Variants in DYRK2 observed in about 807,000 individuals in gnomAD.
DYRK2 encodes dual specificity tyrosine-phosphorylation-regulated kinase 2.
Under a neutral mutation model 41.6 loss-of-function variants are expected in DYRK2, and 12 were observed. The observed-to-expected ratio is 0.29, with a 90% CI of 0.18 to 0.47. The LOEUF (loss-of-function observed/expected upper bound fraction) is 0.47, where lower values mean the gene tolerates loss of function less well. Among genes scored for constraint, DYRK2 ranks in the 20% least tolerant of loss-of-function variants. The probability of loss-of-function intolerance (pLI) is 1.00; values close to 1 mark genes in which losing one functional copy is unlikely to be tolerated. For synonymous variants in DYRK2, 322 were observed against 315.7 expected, an observed-to-expected ratio of 1.02 and a Z score of -0.21; for missense variants, 678 against 798.4, an observed-to-expected ratio of 0.85 and a Z score of 1.82.
At chr12:67,651,801 GACA>G (rs996328152) in intron 2 of DYRK2, 4 of 343,246 alleles carry the variant, frequency 1.2e-5, no homozygotes, top group Admixed American at 4.2e-5. Flanking sequence ...AACAGACTCA[GACA>G]AGGTAACTGG....
At chr12:67,650,064 A>C (rs1592710906) in intron 2 of DYRK2, 119 bp downstream of exon 2, 2 of 1,083,864 alleles carry the variant, frequency 1.8e-6, no homozygotes, top group East Asian at 6.5e-5. Context: ...AAGCAGCCCC[A>C]CGCCTCGGGC....
chr12:67,659,050 CTA>C lies in DYRK2; in HGVS notation c.*339_*340del, dbSNP rs1872560594. The C allele has an allele frequency of 4.8e-6, 1 of 208,662 alleles. No individual in the cohort carries two copies. Among genetic ancestry groups the C allele is most frequent in the Non-Finnish European group, 1.0e-5 (1 of 96,424 alleles). 12.9% of individuals were successfully genotyped at this position (208,662 alleles called of 1,614,324 possible). A position where few individuals can be genotyped will look rare whatever the true frequency, so the allele number is the denominator to read the frequency against. On this transcript the variant is annotated 3_prime_UTR_variant, in exon 3 of 3. Coordinates refer to ENST00000344096, the MANE Select transcript of DYRK2 (RefSeq NM_006482.3). ...TACAGATTGGTGTCAAAGACATTCA[CTA>C]TGTTTTTATGGTTCATGTTATATCC...
intron 2 of DYRK2, chr12:67,652,605 GA>G (rs1344769042): frequency 1.3e-5 from 2 of 152,096 alleles, no homozygotes; most frequent in Non-Finnish European, 2.9e-5. Context: ...GATGACTTCA[GA>G]AAAGTTTTTA....
chr12:67,649,317 C>T (rs897567420), intron 1 of DYRK2, 135 bp downstream of exon 1: 16 of 618,878 alleles, frequency 2.6e-5, no homozygotes, highest in African/African-American at 1.6e-4. Context: ...CCCGGGCGGA[C>T]GACGCGCCCC....
In DYRK2 at chr12:67,659,407, G is replaced by A. The variant is rs1032646510; in HGVS notation, c.*694G>A. 1.8e-5 allele frequency: 3 copies of A among 167,092 alleles called. No homozygotes were observed. The highest frequency in any genetic ancestry group is 4.4e-5 in the Non-Finnish European group (3 of 68,128). The allele number at this position is 167,092 out of a possible 1,614,324, so 10.4% of individuals were successfully genotyped here. A position where few individuals can be genotyped will look rare whatever the true frequency, so the allele number is the denominator to read the frequency against. On this transcript the variant is annotated 3_prime_UTR_variant, in exon 3 of 3. Coordinates refer to ENST00000344096, the MANE Select transcript of DYRK2 (RefSeq NM_006482.3). ...CTCCAAATTTTCTAGTATGATCGGT[G>A]AGCTGTTTTGTAAAGAAGCCTCATA...
At position 67,657,050 on chromosome 12, in the gene DYRK2, C is replaced by T; in HGVS notation, c.199-56C>T. On this transcript the variant is annotated intron_variant, in intron 2 of 2. Coordinates refer to ENST00000344096, the MANE Select transcript of DYRK2 (RefSeq NM_006482.3). The surrounding 1 kb of genome is among the most constrained non-coding windows in gnomAD (Gnocchi z 4.8). The stretch of plus-strand genomic sequence containing the variant: ...GTGGTGTTGTTGGGGGTTACTTATA[C>T]ACCATTTGAACAGACACCACTTCTT... 6.7e-7 allele frequency: 1 copy of T among 1,501,000 alleles called. No homozygotes were observed. The allele number at this position is 1,501,000 out of a possible 1,614,324, so 93.0% of individuals were successfully genotyped here. A position where few individuals can be genotyped will look rare whatever the true frequency, so the allele number is the denominator to read the frequency against.
chr12:67,656,821 C>A (rs985473559), intron 2 of DYRK2, among the ~76,000 whole-genome samples: 3 of 152,096 alleles, frequency 2.0e-5, no homozygotes, highest in Admixed American at 2.0e-4. Flanking sequence ...GAGTGGAACA[C>A]CTATGATGTG....
At position 67,658,518 on chromosome 12, in the gene DYRK2, G is replaced by T. The variant is rs1872545783; in HGVS notation, c.1611G>T (p.Arg537Ser). 6.2e-7 allele frequency: 1 copy of T among 1,612,786 alleles called. No homozygotes were observed. Among genetic ancestry groups the T allele is most frequent in the Non-Finnish European group, 8.5e-7 (1 of 1,179,344 alleles). ...CTTTGCGGCACCCCTGGCTGAGGAG[G>T]CGGTTGCCAAAGCCTCCCACCGGGG... The part of the protein sequence containing the change: ...GQALRHPWLR[R>S]RLPKPPTGEK... Residue 537 changes from arginine to serine, a missense_variant, in exon 3 of 3, where the codon AGG becomes AGT. Transcript: ENST00000344096. This position sits in a 1 kb window ranked among gnomAD's most constrained non-coding sequence, Gnocchi z 4.3.
intron 2 of DYRK2, among the ~76,000 whole-genome samples, chr12:67,654,880 A>G (rs967620357): frequency 6.6e-6 from 1 of 152,208 alleles, no homozygotes; most frequent in Non-Finnish European, 1.5e-5. Flanking sequence ...ACATCAGGCC[A>G]TGGGCAGTTG....
At chr12:67,655,638 C>T (rs574638762) in intron 2 of DYRK2, among the ~76,000 whole-genome samples, 1 of 152,222 alleles carries the variant, frequency 6.6e-6, no homozygotes, top group African/African-American at 2.4e-5. Flanking sequence ...GTCAGACAGG[C>T]CCCAAGTATT....
rs139451618 is a variant in DYRK2 at position 67,649,437 on chromosome 12, C to A, written c.49+255C>A. On this transcript the variant is annotated intron_variant, in intron 1 of 2. Coordinates refer to ENST00000344096, the MANE Select transcript of DYRK2 (RefSeq NM_006482.3). Reference sequence around the variant, plus strand: ...CCGGGCGGGGACCGTCCAGGCCTGCCGCCCCGCCCTGCGCTGCCCGGGGCT... The same window carrying A: ...CCGGGCGGGGACCGTCCAGGCCTGCAGCCCCGCCCTGCGCTGCCCGGGGCT... Among the ~76,000 whole-genome samples the A allele has an allele frequency of 8.4e-3, 1,270 of 151,902 alleles. 49 individuals carry two copies. The highest frequency in any genetic ancestry group is 0.01 in the Admixed American group (160 of 15,276).
rs150646275 is a variant in DYRK2 at position 67,657,728 on chromosome 12, G to T, written c.821G>T (p.Arg274Leu). 8.7e-6 allele frequency: 14 copies of T among 1,614,166 alleles called. No individual in the cohort carries two copies. The highest frequency in any genetic ancestry group is 1.2e-5 in the Non-Finnish European group (14 of 1,180,032). ...AEEIRILEHL[R>L]KQDKDNTMNV... ...GAGATCCGAATCCTGGAACACCTGC[G>T]GAAGCAGGACAAGGATAACACAATG... is the stretch of plus-strand genomic sequence containing the variant. The change falls in exon 3 of 3, where the codon CGG (arginine) becomes CTG (leucine). Residue 274 changes from arginine to leucine, a missense_variant. Coordinates refer to ENST00000344096, the MANE Select transcript of DYRK2 (RefSeq NM_006482.3). This position sits in a 1 kb window ranked among gnomAD's most constrained non-coding sequence, Gnocchi z 4.8.
rs759458224 is a variant in DYRK2, at chr12:67,659,442, TG to T, written c.*730del. ...GTAAAGAAGCCTCATATTACAGAGT[TG>T]CTTTTGCACCTAAATTTAGAATTGT... On this transcript the variant is annotated 3_prime_UTR_variant, in exon 3 of 3. Transcript: ENST00000344096. 18 of 167,082 alleles carry T rather than the reference TG, an allele frequency of 1.1e-4. No homozygotes were observed. The highest frequency in any genetic ancestry group is 1.0e-4 in the Non-Finnish European group (7 of 68,120). The allele number at this position is 167,082 out of a possible 1,614,324, so 10.3% of individuals were successfully genotyped here. A position where few individuals can be genotyped will look rare whatever the true frequency, so the allele number is the denominator to read the frequency against.
At chr12:67,651,329 T>C (rs1872316065) in intron 2 of DYRK2, 1 of 255,594 alleles carries the variant, frequency 3.9e-6, no homozygotes, top group Non-Finnish European at 7.7e-6. Flanking sequence ...ACCCAGTTTT[T>C]TGCTATGTGT....
rs1465899380 is a variant in DYRK2, at chr12:67,648,870, T to G, written c.-264T>G. 1 of 276,576 alleles carries G rather than the reference T, an allele frequency of 3.6e-6. No individual in the cohort carries two copies. Among genetic ancestry groups the G allele is most frequent in the Non-Finnish European group, 6.6e-6 (1 of 151,976 alleles). 17.1% of individuals were successfully genotyped at this position (276,576 alleles called of 1,614,324 possible). ...GGCGCGCAGGGGAGGGCGAGGCATGTGCACGGGCCGGAGGGTGCTGCAGCC... is the reference window on the plus strand; with the variant it reads ...GGCGCGCAGGGGAGGGCGAGGCATGGGCACGGGCCGGAGGGTGCTGCAGCC... On this transcript the variant is annotated 5_prime_UTR_variant, in exon 1 of 3. Coordinates refer to ENST00000344096, the MANE Select transcript of DYRK2 (RefSeq NM_006482.3).
chr12:67,661,194 A>T lies in DYRK2; in HGVS notation c.*2481A>T, dbSNP rs1872614194. The T allele has an allele frequency of 1.2e-5, 2 of 166,700 alleles. No homozygotes were observed. The highest frequency in any genetic ancestry group is 4.1e-4 in the South Asian group (2 of 4,824). 10.3% of individuals were successfully genotyped at this position (166,700 alleles called of 1,614,324 possible). On this transcript the variant is annotated 3_prime_UTR_variant, in exon 3 of 3. Coordinates refer to ENST00000344096, the MANE Select transcript of DYRK2 (RefSeq NM_006482.3). ...AATAGAGCTGCTTTAATAAAATTCTAGTTTGATTGTCATGTCAAAAAAAGA... is the reference window on the plus strand; with the variant it reads ...AATAGAGCTGCTTTAATAAAATTCTTGTTTGATTGTCATGTCAAAAAAAGA...
In DYRK2 at chr12:67,657,011, T is replaced by C; in HGVS notation, c.199-95T>C. 1.5e-6 allele frequency: 2 copies of C among 1,293,682 alleles called. No individual in the cohort carries two copies. The highest frequency in any genetic ancestry group is 2.1e-6 in the Non-Finnish European group (2 of 971,760). The allele number at this position is 1,293,682 out of a possible 1,614,324, so 80.1% of individuals were successfully genotyped here. On this transcript the variant is annotated intron_variant, in intron 2 of 2. Transcript: ENST00000344096. The surrounding 1 kb of genome is among the most constrained non-coding windows in gnomAD (Gnocchi z 4.8). ...CAAACCAAATGGGATTTTGTAAATG[T>C]GAGGTTGGGGGCGGTGGTGTTGTTG...
chr12:67,652,443 A>G (rs1292672373), intron 2 of DYRK2: 2 of 152,200 alleles, frequency 1.3e-5, no homozygotes, highest in Non-Finnish European at 2.9e-5. Context: ...TGAAATACAC[A>G]TTTTAAAAAA....
rs759922254 is a variant in DYRK2 at position 67,659,851 on chromosome 12, A to C, written c.*1138A>C. 6.0e-6 allele frequency: 1 copy of C among 167,110 alleles called. No individual in the cohort carries two copies. Among genetic ancestry groups the C allele is most frequent in the Non-Finnish European group, 1.5e-5 (1 of 68,118 alleles). The allele number at this position is 167,110 out of a possible 1,614,324, so 10.4% of individuals were successfully genotyped here. A position where few individuals can be genotyped will look rare whatever the true frequency, so the allele number is the denominator to read the frequency against. On this transcript the variant is annotated 3_prime_UTR_variant, in exon 3 of 3. Coordinates refer to ENST00000344096, the MANE Select transcript of DYRK2 (RefSeq NM_006482.3). ...TCACTTTGGCTGTTCAGTAAGGCCA[A>C]TGTTAACAACACGTTTAGAGGAGGA...
Sources: allele counts gnomAD v4.1 joint callset (sites outside exome capture counted in the v4.1 genomes callset), GRCh38; gene constraint gnomAD v4.1.1; non-coding constraint Gnocchi (gnomAD v3.1); transcripts MANE v1.5; gene names NCBI Gene and HGNC (gene_info 2026-07-23, HGNC 2026-07-21).